Variants in SHROOM4 observed in about 807,000 individuals in gnomAD.
SHROOM4 encodes the protein shroom family member 4.
In SHROOM4, 17 loss-of-function variants were observed where a neutral mutation model predicts 80.3. The observed-to-expected ratio is 0.21, with a 90% CI of 0.14 to 0.32. SHROOM4 has a LOEUF of 0.32. SHROOM4 is among the 10% of genes least tolerant of loss of function. The pLI, the probability that SHROOM4 is intolerant of heterozygous loss-of-function variation, is 1.00. For missense variants in SHROOM4, 993 were observed against 1,140.3 expected, an observed-to-expected ratio of 0.87 and a Z score of 1.86; for synonymous variants, 400 against 437.5, an observed-to-expected ratio of 0.91 and a Z score of 1.07.
intron 1 of SHROOM4, among the ~76,000 whole-genome samples, chrX:50,738,025 T>TACACAAATCA (rs1934540258): frequency 9.0e-6 from 1 of 111,533 alleles, no homozygotes; most frequent in Non-Finnish European, 1.9e-5. Flanking sequence ...TGGTTCAGTA[T>TACACAAATCA]ACACAAATCA....
chrX:50,745,593 A>C (rs1472214520), intron 1 of SHROOM4, among the ~76,000 whole-genome samples: 1 of 111,716 alleles, frequency 9.0e-6, no homozygotes, highest in Non-Finnish European at 1.9e-5. Context: ...GGGAACCCCC[A>C]ATCTTCTTGT....
intron 2 of SHROOM4, among the ~76,000 whole-genome samples, chrX:50,651,507 T>C (rs1258216445): frequency 9.0e-6 from 1 of 111,724 alleles, no homozygotes; most frequent in East Asian, 2.8e-4. Flanking sequence ...TGAGAACTTG[T>C]AGGAAAGAAA....
At chrX:50,774,801 A>G (rs1935471402) in intron 1 of SHROOM4, among the ~76,000 whole-genome samples, 2 of 111,831 alleles carry the variant, frequency 1.8e-5, no homozygotes, top group Non-Finnish European at 3.8e-5. Flanking sequence ...GGCAAACACT[A>G]TAGGTTTCAG....
intron 2 of SHROOM4, among the ~76,000 whole-genome samples, chrX:50,644,707 A>G (rs1473985944): frequency 8.9e-6 from 1 of 112,451 alleles, no homozygotes; most frequent in Non-Finnish European, 1.9e-5. Flanking sequence ...CTCTGGGGAA[A>G]TCATGCCTGG....
chrX:50,652,480 C>T (rs1932137538), intron 2 of SHROOM4, among the ~76,000 whole-genome samples: 1 of 111,451 alleles, frequency 9.0e-6, no homozygotes, highest in Non-Finnish European at 1.9e-5. Flanking sequence ...AGCCCTTTGT[C>T]AGATGGATAG....
In SHROOM4 at chrX:50,598,338, C is replaced by T; in HGVS notation, c.4140G>A (p.Leu1380=). 8.3e-7 allele frequency: 1 copy of T among 1,211,413 alleles called. No individual in the cohort carries two copies. Among genetic ancestry groups the T allele is most frequent in the Non-Finnish European group, 1.1e-6 (1 of 895,466 alleles). ...CCCGGGCCAGTCGTCCAGAGAGTGA[C>T]AGCAACAGGTTGACCACTTTGTCCA... ...GDLDKVVNLL[L]SLSGRLARVE... is the part of the protein sequence containing the mutation. Residue 1380 remains leucine (L), a synonymous_variant, in exon 8 of 9, where the codon CTG becomes CTA. Coordinates refer to ENST00000376020, the MANE Select transcript of SHROOM4 (RefSeq NM_020717.5).
chrX:50,594,647 G>T lies in SHROOM4; in HGVS notation c.*2048C>A, dbSNP rs782670889. ...TATCAGCCTCATCCTCCCAATACAG[G>T]ACATCTCAATTTGCTCATTGTTTGT... On this transcript the variant is annotated 3_prime_UTR_variant, in exon 9 of 9. Coordinates refer to ENST00000376020, the MANE Select transcript of SHROOM4 (RefSeq NM_020717.5). 88 of 111,381 alleles carry T rather than the reference G, an allele frequency of 7.9e-4. 1 individual carries two copies. The highest frequency in any genetic ancestry group is 2.6e-3 in the African/African-American group (80 of 30,656). 9.2% of individuals were successfully genotyped at this position (111,381 alleles called of 1,213,427 possible).
intron 1 of SHROOM4, among the ~76,000 whole-genome samples, chrX:50,758,236 A>T (rs1246967078): frequency 4.5e-5 from 5 of 111,970 alleles, no homozygotes; most frequent in Non-Finnish European, 9.4e-5. Context: ...CTTGGATAGA[A>T]TCTGTAATGC....
In SHROOM4 at chrX:50,600,323, A is replaced by T. The variant is rs1452127989; in HGVS notation, c.3943-1788T>A. On this transcript the variant is annotated intron_variant, in intron 7 of 8. Transcript: ENST00000376020. Reference sequence around the variant, plus strand: ...CCCAGGCTGCCCATAGCCTCTGTAGACAGTACTGCTTTGTGGTTAAGAGCA... The same window carrying T: ...CCCAGGCTGCCCATAGCCTCTGTAGTCAGTACTGCTTTGTGGTTAAGAGCA... Among the ~76,000 whole-genome samples the T allele has an allele frequency of 5.4e-5, 6 of 111,422 alleles. No individual in the cohort carries two copies. The East Asian group carries it at 1.7e-3, about 31-fold the overall frequency.
chrX:50,634,958 G>A lies in SHROOM4; in HGVS notation c.1115C>T (p.Ala372Val). Residue 372 changes from alanine (A) to valine (V), a missense_variant, in exon 4 of 9, where the codon GCC becomes GTC. Transcript: ENST00000376020. ...ASTKAVGSPKACDRASSVDSN... is the reference protein window; with the variant it reads ...ASTKAVGSPKVCDRASSVDSN... ...ATCCACGCTGGAAGCTCTGTCACAG[G>A]CTTTTGGGGATCCAACAGCTTTGGT... The A allele has an allele frequency of 8.3e-7, 1 of 1,211,806 alleles. No individual in the cohort carries two copies. Among genetic ancestry groups the A allele is most frequent in the Non-Finnish European group, 1.1e-6 (1 of 895,498 alleles).
chrX:50,800,481 T>C (rs781790053), intron 1 of SHROOM4, among the ~76,000 whole-genome samples: 171 of 111,541 alleles, frequency 1.5e-3, no homozygotes, highest in Non-Finnish European at 3.0e-3. Flanking sequence ...GAGGTTCTGA[T>C]TGCTTCCACC....
chrX:50,753,170 C>A (rs1172801729), intron 1 of SHROOM4, among the ~76,000 whole-genome samples: 1 of 111,784 alleles, frequency 8.9e-6, no homozygotes, highest in Non-Finnish European at 1.9e-5. Context: ...GAAGTCCCTA[C>A]CTTAAATTGC....
chrX:50,598,258 A>G lies in SHROOM4; in HGVS notation c.4212+8T>C. ...CCTCTACCCACACCCCACAGACCCC[A>G]ACTCTACCTTCTCCTGGTTGGCCTC... On this transcript the variant is annotated splice_region_variant and intron_variant, in intron 8 of 8. Transcript: ENST00000376020. The G allele has an allele frequency of 8.3e-7, 1 of 1,211,188 alleles. No individual in the cohort carries two copies. The highest frequency in any genetic ancestry group is 1.1e-6 in the Non-Finnish European group (1 of 895,416).
At chrX:50,638,388 C>T in intron 2 of SHROOM4, 80 bp from the exon 3 acceptor site, 1 of 1,139,991 alleles carries the variant, frequency 8.8e-7, no homozygotes, top group African/African-American at 1.8e-5. Flanking sequence ...GCCCCACCCC[C>T]TCTTTTCCTT....
At chrX:50,675,621 T>C (rs1437729237) in intron 2 of SHROOM4, among the ~76,000 whole-genome samples, 2 of 111,076 alleles carry the variant, frequency 1.8e-5, no homozygotes, top group Non-Finnish European at 3.8e-5. Context: ...ACTGGAAATA[T>C]GAAGTTAGTA....
intron 2 of SHROOM4, 65 bp from the exon 3 acceptor site, chrX:50,638,373 C>T: frequency 8.5e-7 from 1 of 1,177,404 alleles, no homozygotes; most frequent in East Asian, 3.0e-5. Context: ...TCCCAGGCAG[C>T]TTCCGCCCCA....
intron 2 of SHROOM4, among the ~76,000 whole-genome samples, chrX:50,681,942 A>C (rs782816241): frequency 1.6e-4 from 18 of 111,758 alleles, no homozygotes; most frequent in Non-Finnish European, 3.2e-4. Context: ...TGTTTCTGGA[A>C]GATCCCATCC....
At chrX:50,641,858 C>T (rs1466335766) in intron 2 of SHROOM4, among the ~76,000 whole-genome samples, 3 of 112,335 alleles carry the variant, frequency 2.7e-5, no homozygotes, top group East Asian at 5.6e-4. Context: ...GTGATCCACC[C>T]GCTTCGGCCT....
chrX:50,684,937 T>C lies in SHROOM4; in HGVS notation c.269+10849A>G, dbSNP rs181017667. Among the ~76,000 whole-genome samples, 846 of 112,229 alleles carry C rather than the reference T, an allele frequency of 7.5e-3. 10 individuals carry two copies. The highest frequency in any genetic ancestry group is 0.026 in the African/African-American group (818 of 30,868). On this transcript the variant is annotated intron_variant, in intron 2 of 8. Transcript: ENST00000376020. ...GGGATGAAGTATTTAGACTTATTTC[T>C]GCAGGCAGTTGGAGCTTTTTTGAGA...
Sources: allele counts gnomAD v4.1 joint callset (sites outside exome capture counted in the v4.1 genomes callset), GRCh38; gene constraint gnomAD v4.1.1; transcripts MANE v1.5; gene names NCBI Gene and HGNC (gene_info 2026-07-23, HGNC 2026-07-21).